GIMAP7: variants seen among roughly 807,000 people sequenced by gnomAD.
GIMAP7 encodes GTPase, IMAP family member 7, also known as GTPase IMAP family member 7.
For missense variants in GIMAP7, 323 were observed against 359.7 expected (o/e 0.90, Z 0.83); for synonymous variants, 137 against 129.3 (o/e 1.06, Z -0.40).
chr7:150,518,866 G>A (rs893368583), intron 1 of GIMAP7, among the ~76,000 whole-genome samples: 3 of 151,950 alleles, frequency 2.0e-5, no homozygotes, highest in South Asian at 2.1e-4. Flanking sequence ...TATGATATGA[G>A]GAATTGGAGG....
Position 150,520,796 on chromosome 7 carries a change from A to C in GIMAP7, c.822A>C (p.Lys274Asn). Residue 274 changes from lysine to asparagine, a missense_variant, in exon 2 of 2, where the codon AAA becomes AAC. Lys to Asn is a moderately conservative substitution (Grantham distance 94). Coordinates refer to ENST00000313543, the MANE Select transcript of GIMAP7 (RefSeq NM_153236.4). Reference sequence around the variant, plus strand: ...AAGAAGCTGAGAGAAATATATTTAAAGATGTTTTTAATAGGATTTGGAAGA... The same window carrying C: ...AAGAAGCTGAGAGAAATATATTTAACGATGTTTTTAATAGGATTTGGAAGA... ...IREEAERNIF[K>N]DVFNRIWKML... The C allele has an allele frequency of 6.6e-7, 1 of 1,521,810 alleles. No homozygotes were observed. The highest frequency in any genetic ancestry group is 8.9e-7 in the Non-Finnish European group (1 of 1,125,230). 94.3% of individuals were successfully genotyped at this position (1,521,810 alleles called of 1,614,324 possible).
intron 1 of GIMAP7, among the ~76,000 whole-genome samples, chr7:150,517,757 A>G (rs1433503535): frequency 2.0e-5 from 3 of 152,106 alleles, no homozygotes; most frequent in Non-Finnish European, 4.4e-5. Flanking sequence ...TTATTGTATA[A>G]TTATGTAAAC....
rs1264428784 is a variant in GIMAP7, at chr7:150,520,105, C to A, written c.131C>A (p.Thr44Asn). ...FDSRIAAQAVTKNCQKASREW... is the reference protein window; with the variant it reads ...FDSRIAAQAVNKNCQKASREW... ...TCTAGAATTGCTGCCCAAGCTGTTACCAAGAACTGTCAAAAAGCATCCCGG... is the reference window on the plus strand; with the variant it reads ...TCTAGAATTGCTGCCCAAGCTGTTAACAAGAACTGTCAAAAAGCATCCCGG... The change falls in exon 2 of 2, where the codon ACC (threonine) becomes AAC (asparagine). Residue 44 changes from threonine (T) to asparagine (N), a missense_variant. Coordinates refer to ENST00000313543, the MANE Select transcript of GIMAP7 (RefSeq NM_153236.4). 2 of 1,614,032 alleles carry A rather than the reference C, an allele frequency of 1.2e-6. No homozygotes were observed. Among genetic ancestry groups the A allele is most frequent in the African/African-American group, 1.3e-5 (1 of 74,910 alleles).
intron 1 of GIMAP7, among the ~76,000 whole-genome samples, chr7:150,516,079 G>A (rs1229239859): frequency 6.6e-6 from 1 of 152,100 alleles, no homozygotes; most frequent in Non-Finnish European, 1.5e-5. Flanking sequence ...ACAGTGACCA[G>A]GGGCATGTTT....
chr7:150,520,799 T>C lies in GIMAP7; in HGVS notation c.825T>C (p.Asp275=). The C allele has an allele frequency of 6.6e-7, 1 of 1,521,296 alleles. No individual in the cohort carries two copies. Among genetic ancestry groups the C allele is most frequent in the Non-Finnish European group, 8.9e-7 (1 of 1,125,638 alleles). 94.2% of individuals were successfully genotyped at this position (1,521,296 alleles called of 1,614,324 possible). ...REEAERNIFK[D]VFNRIWKMLS... is the part of the protein sequence containing the mutation. Reference sequence around the variant, plus strand: ...AAGCTGAGAGAAATATATTTAAAGATGTTTTTAATAGGATTTGGAAGATGC... The same window carrying C: ...AAGCTGAGAGAAATATATTTAAAGACGTTTTTAATAGGATTTGGAAGATGC... Residue 275 remains aspartate, a synonymous_variant, in exon 2 of 2, where the codon GAT becomes GAC. Coordinates refer to ENST00000313543, the MANE Select transcript of GIMAP7 (RefSeq NM_153236.4).
rs60687169 is a variant in GIMAP7 at position 150,521,013 on chromosome 7, A to AATATAT, written c.*148_*153dup. On this transcript the variant is annotated 3_prime_UTR_variant, in exon 2 of 2. Coordinates refer to ENST00000313543, the MANE Select transcript of GIMAP7 (RefSeq NM_153236.4). ...TTTAATGTATATAATGTGATTTTTA[A>AATATAT]ATATATATATATATATACACACATT... 641 of 238,782 alleles carry AATATAT rather than the reference A, an allele frequency of 2.7e-3. 1 individual carries two copies. Among genetic ancestry groups the AATATAT allele is most frequent in the African/African-American group, 8.5e-3 (319 of 37,346 alleles). 14.8% of individuals were successfully genotyped at this position (238,782 alleles called of 1,614,324 possible). A position where few individuals can be genotyped will look rare whatever the true frequency, so the allele number is the denominator to read the frequency against.
Position 150,520,563 on chromosome 7 carries a change from G to A in GIMAP7, c.589G>A (p.Glu197Lys), listed in dbSNP as rs200815148. The stretch of plus-strand genomic sequence containing the variant: ...GATAGAGAAAATGGTGCAGTGCAAC[G>A]AAGGGGCTTACTTTTCTGATGACAT... ...ELIEKMVQCN[E>K]GAYFSDDIYK... The change falls in exon 2 of 2, where the codon GAA becomes AAA. Residue 197 changes from glutamate to lysine, a missense_variant. Coordinates refer to ENST00000313543, the MANE Select transcript of GIMAP7 (RefSeq NM_153236.4). 14 of 1,614,220 alleles carry A rather than the reference G, an allele frequency of 8.7e-6. No homozygotes were observed. The highest frequency in any genetic ancestry group is 3.3e-5 in the Admixed American group (2 of 60,020).
rs1356663912 is a variant in GIMAP7, at chr7:150,520,148, C to A, written c.174C>A (p.Asp58Glu). 1 of 1,613,992 alleles carries A rather than the reference C, an allele frequency of 6.2e-7. No homozygotes were observed. The highest frequency in any genetic ancestry group is 8.5e-7 in the Non-Finnish European group (1 of 1,180,010). The change falls in exon 2 of 2, where the codon GAC (aspartate) becomes GAA (glutamate). Residue 58 changes from aspartate (D) to glutamate (E), a missense_variant. Transcript: ENST00000313543. The stretch of plus-strand genomic sequence containing the variant: ...CATCCCGGGAATGGCAGGGGAGAGA[C>A]CTTCTTGTTGTAGACACTCCAGGGC... ...QKASREWQGR[D>E]LLVVDTPGLF...
At chr7:150,517,785 G>A (rs1173438364) in intron 1 of GIMAP7, among the ~76,000 whole-genome samples, 1 of 151,980 alleles carries the variant, frequency 6.6e-6, no homozygotes, top group Non-Finnish European at 1.5e-5. Context: ...ATGTTCTCAA[G>A]ATCAAATTTG....
At chr7:150,519,043 A>G (rs569669308) in intron 1 of GIMAP7, among the ~76,000 whole-genome samples, 2 of 152,264 alleles carry the variant, frequency 1.3e-5, no homozygotes, top group South Asian at 4.1e-4. Flanking sequence ...GCAATGGCCT[A>G]TTTGTGAATT....
In GIMAP7 at chr7:150,520,272, C is replaced by T; in HGVS notation, c.298C>T (p.Leu100=). Residue 100 remains leucine, a synonymous_variant, in exon 2 of 2, where the codon CTG becomes TTG. Coordinates refer to ENST00000313543, the MANE Select transcript of GIMAP7 (RefSeq NM_153236.4). ...PGPHAIVLVL[L]LGRYTEEEQK... is the part of the protein sequence containing the mutation. ...GCCCCATGCTATTGTCCTAGTTCTG[C>T]TGCTGGGCCGCTACACAGAGGAGGA... 3.7e-6 allele frequency: 6 copies of T among 1,614,190 alleles called. No homozygotes were observed. Among genetic ancestry groups the T allele is most frequent in the Middle Eastern group, 1.6e-4 (1 of 6,062 alleles).
In GIMAP7 at chr7:150,520,152, C is replaced by T; in HGVS notation, c.178C>T (p.Leu60Phe). ...ASREWQGRDL[L>F]VVDTPGLFDT... ...CCGGGAATGGCAGGGGAGAGACCTT[C>T]TTGTTGTAGACACTCCAGGGCTCTT... The change falls in exon 2 of 2, where the codon CTT becomes TTT. Residue 60 changes from leucine to phenylalanine, a missense_variant. Physicochemically the swap from Leu to Phe is conservative, Grantham distance 22. Transcript: ENST00000313543. 6.2e-7 allele frequency: 1 copy of T among 1,614,138 alleles called. No individual in the cohort carries two copies. Among genetic ancestry groups the T allele is most frequent in the Non-Finnish European group, 8.5e-7 (1 of 1,180,012 alleles).
In GIMAP7 at chr7:150,520,082, T is replaced by C. The variant is rs1795172423; in HGVS notation, c.108T>C (p.Ser36=). ...TCCTTGGAGAGGAAATCTTTGATTCTAGAATTGCTGCCCAAGCTGTTACCA... is the reference window on the plus strand; with the variant it reads ...TCCTTGGAGAGGAAATCTTTGATTCCAGAATTGCTGCCCAAGCTGTTACCA... ...NTILGEEIFD[S]RIAAQAVTKN... The change falls in exon 2 of 2, where the codon TCT becomes TCC. Residue 36 remains serine (S), a synonymous_variant. Coordinates refer to ENST00000313543, the MANE Select transcript of GIMAP7 (RefSeq NM_153236.4). The C allele has an allele frequency of 2.5e-6, 4 of 1,614,184 alleles. No homozygotes were observed. The highest frequency in any genetic ancestry group is 4.5e-5 in the East Asian group (2 of 44,882).
chr7:150,520,811 G>C lies in GIMAP7; in HGVS notation c.837G>C (p.Arg279Ser). ...ERNIFKDVFN[R>S]IWKMLSEIWH... ...ATATATTTAAAGATGTTTTTAATAG[G>C]ATTTGGAAGATGCTTTCAGAAATAT... Residue 279 changes from arginine (R) to serine (S), a missense_variant, in exon 2 of 2, where the codon AGG (arginine) becomes AGC (serine). By Grantham distance (110) the Arg-to-Ser change is moderately radical. Coordinates refer to ENST00000313543, the MANE Select transcript of GIMAP7 (RefSeq NM_153236.4). 6.6e-7 allele frequency: 1 copy of C among 1,513,494 alleles called. No individual in the cohort carries two copies. The highest frequency in any genetic ancestry group is 8.9e-7 in the Non-Finnish European group (1 of 1,128,240). The allele number at this position is 1,513,494 out of a possible 1,614,324, so 93.8% of individuals were successfully genotyped here. A position where few individuals can be genotyped will look rare whatever the true frequency, so the allele number is the denominator to read the frequency against.
Position 150,520,239 on chromosome 7 carries a change from T to G in GIMAP7, c.265T>G (p.Cys89Gly). Residue 89 changes from cysteine to glycine, a missense_variant, in exon 2 of 2, where the codon TGC becomes GGC. Transcript: ENST00000313543. ...KEISRCIISS[C>G]PGPHAIVLVL... is the part of the protein sequence containing the mutation. Reference sequence around the variant, plus strand: ...AATCAGCCGCTGCATCATCTCCTCCTGCCCAGGGCCCCATGCTATTGTCCT... The same window carrying G: ...AATCAGCCGCTGCATCATCTCCTCCGGCCCAGGGCCCCATGCTATTGTCCT... 3.7e-6 allele frequency: 6 copies of G among 1,614,198 alleles called. No homozygotes were observed. The Admixed American group carries it at 8.3e-5, about 22-fold the overall frequency.
chr7:150,519,327 G>T (rs1040570004), intron 1 of GIMAP7, among the ~76,000 whole-genome samples: 2 of 152,068 alleles, frequency 1.3e-5, no homozygotes, highest in African/African-American at 2.4e-5. Context: ...ACAAACTACC[G>T]TAAACATGAA....
chr7:150,515,316 G>T (rs1795123334), intron 1 of GIMAP7, among the ~76,000 whole-genome samples: 1 of 152,134 alleles, frequency 6.6e-6, no homozygotes, highest in African/African-American at 2.4e-5. Context: ...TACAGAAAAA[G>T]AATCAGAATC....
intron 1 of GIMAP7, among the ~76,000 whole-genome samples, chr7:150,516,203 CAG>C (rs1795135801): frequency 6.6e-6 from 1 of 152,162 alleles, no homozygotes; most frequent in South Asian, 2.1e-4. Flanking sequence ...CATGTTTTAT[CAG>C]GGTGTTCTGA....
chr7:150,519,979 C>T lies in GIMAP7; in HGVS notation c.5C>T (p.Ala2Val), dbSNP rs867255139. 2.5e-5 allele frequency: 40 copies of T among 1,613,482 alleles called. No homozygotes were observed. The highest frequency in any genetic ancestry group is 3.2e-5 in the Non-Finnish European group (38 of 1,179,688). Residue 2 changes from alanine (A) to valine (V), a missense_variant, in exon 2 of 2, where the codon GCT becomes GTT. Transcript: ENST00000313543. M[A>V]ESEDRSLRIV... Reference sequence around the variant, plus strand: ...CTAGAGCCTCCTGACGTGAGCATGGCTGAGAGTGAGGACCGCTCCCTGAGG... The same window carrying T: ...CTAGAGCCTCCTGACGTGAGCATGGTTGAGAGTGAGGACCGCTCCCTGAGG...
Sources: allele counts gnomAD v4.1 joint callset (sites outside exome capture counted in the v4.1 genomes callset), GRCh38; gene constraint gnomAD v4.1.1; transcripts MANE v1.5; gene names NCBI Gene and HGNC (gene_info 2026-07-23, HGNC 2026-07-21).